PPIE: variants seen among roughly 807,000 people sequenced by gnomAD.
The protein encoded by PPIE is peptidylprolyl isomerase E.
PPIE carries 20 observed loss-of-function variants against 38.4 expected under a neutral mutation model. The ratio of observed to expected loss-of-function variants is 0.52; its 90% CI spans 0.37 to 0.76. The LOEUF (loss-of-function observed/expected upper bound fraction) is 0.76. Among genes scored for constraint, PPIE ranks in the 30% least tolerant of loss-of-function variants. The probability of loss-of-function intolerance (pLI) is 0.00; values close to 1 mark genes in which losing one functional copy is unlikely to be tolerated. For synonymous variants in PPIE, 142 were observed against 135.7 expected (o/e 1.05, Z -0.32); for missense variants, 322 against 385.8 (o/e 0.83, Z 1.39).
intron 9 of PPIE, chr1:39,762,498 C>T (rs1216502248): frequency 3.2e-6 from 5 of 1,545,966 alleles, no homozygotes; most frequent in Non-Finnish European, 3.5e-6. Flanking sequence ...CCATCAGAAA[C>T]CTGCTTTTGT....
chr1:39,762,397 T>C, intron 9 of PPIE: 12 of 1,308,236 alleles, frequency 9.2e-6, no homozygotes, highest in Non-Finnish European at 1.2e-5. Flanking sequence ...TACCAGGAAC[T>C]GGGATTCTAG....
rs149276444 is a variant in PPIE, at chr1:39,763,127, T to C, written c.838-562T>C. 109 of 1,614,010 alleles carry C rather than the reference T, an allele frequency of 6.8e-5. No homozygotes were observed. In the African/African-American group the frequency reaches 1.4e-3, roughly 21 times the overall value. On this transcript the variant is annotated intron_variant, in intron 9 of 9. Transcript: ENST00000356511. The stretch of plus-strand genomic sequence containing the variant: ...AGGATGGCGTGGTTGGTGGCATTCA[T>C]GCAGGAGTCCAGTGGGAAGGAGCAC...
rs1648162267 is a variant in PPIE, at chr1:39,755,424, A to G, written c.*2069A>G. ...CTACAGTTGACTGAGTTCAGGCTCC[A>G]TGTAGCTGGGATATACTACATGGTT... On this transcript the variant is annotated 3_prime_UTR_variant, in exon 10 of 10. Coordinates refer to ENST00000324379, the MANE Select transcript of PPIE (RefSeq NM_006112.4). The G allele has an allele frequency of 5.1e-6, 5 of 985,450 alleles. No homozygotes were observed. The African/African-American group carries it at 5.2e-5, about 10-fold the overall frequency. 61.0% of individuals were successfully genotyped at this position (985,450 alleles called of 1,614,324 possible).
intron 4 of PPIE, chr1:39,742,847 G>C (rs1463376530): frequency 6.2e-6 from 1 of 160,470 alleles, no homozygotes; most frequent in African/African-American, 2.4e-5. Context: ...TTTATTTGTT[G>C]TTCTGTTATC....
rs1042038696 is a variant in PPIE at position 39,754,316 on chromosome 1, ATTTAT to A, written c.*966_*970del. ...AGGGTGTGTATATATGTAGAAAGAGATTTATTTTAAGGAACTGGCTCAAGCAGTGG... is the reference window on the plus strand; with the variant it reads ...AGGGTGTGTATATATGTAGAAAGAGATTTAAGGAACTGGCTCAAGCAGTGG... On this transcript the variant is annotated 3_prime_UTR_variant, in exon 10 of 10. Transcript: ENST00000324379. Among the ~76,000 whole-genome samples, 8 of 152,180 alleles carry A rather than the reference ATTTAT, an allele frequency of 5.3e-5. No individual in the cohort carries two copies. The highest frequency in any genetic ancestry group is 1.3e-4 in the Admixed American group (2 of 15,280).
At chr1:39,748,860 T>G in intron 7 of PPIE, 43 bp from the exon 8 acceptor site, 1 of 1,566,912 alleles carries the variant, frequency 6.4e-7, no homozygotes, top group Non-Finnish European at 8.7e-7. Flanking sequence ...TTTTATTTTG[T>G]CCTATTTTTT....
chr1:39,749,020 C>A lies in PPIE; in HGVS notation c.626C>A (p.Thr209Asn), dbSNP rs761484384. Residue 209 changes from threonine to asparagine, a missense_variant, in exon 8 of 10, where the codon ACT becomes AAT. Transcript: ENST00000324379. ...QGGDFTNHNG[T>N]GGKSIYGKKF... ...GGTGATTTCACAAACCACAATGGCA[C>A]TGGGGGCAAGTCCATCTATGGGAAG... The A allele has an allele frequency of 6.2e-7, 1 of 1,612,332 alleles. No homozygotes were observed. The highest frequency in any genetic ancestry group is 2.2e-5 in the East Asian group (1 of 44,878).
chr1:39,743,638 C>G (rs1345111411), intron 5 of PPIE, among the ~76,000 whole-genome samples, 186 bp from the exon 6 acceptor site: 1 of 152,144 alleles, frequency 6.6e-6, no homozygotes, highest in Non-Finnish European at 1.5e-5. Context: ...TTTCCTTAGC[C>G]CTACTGAGAG....
downstream of PPIE, chr1:39,757,848 A>AT (rs1011033102): frequency 9.2e-5 from 14 of 152,160 alleles, no homozygotes; most frequent in African/African-American, 3.4e-4. Flanking sequence ...TGCTCAAGGG[A>AT]TTTTTCTATT....
At chr1:39,746,250 CATCATGT>C (rs1426093625) in intron 7 of PPIE, 3 of 152,176 alleles carry the variant, frequency 2.0e-5, no homozygotes, top group Non-Finnish European at 4.4e-5. Flanking sequence ...ACAATGTAAG[CATCATGT>C]GATAACCTCC....
chr1:39,759,734 T>G (rs1648687279), downstream of PPIE: 1 of 152,272 alleles, frequency 6.6e-6, no homozygotes, highest in Non-Finnish European at 1.5e-5. Flanking sequence ...GTCCATGCTC[T>G]TACATGTCTT....
intron 1 of PPIE, 176 bp from the exon 2 acceptor site, chr1:39,739,989 G>C: frequency 1.8e-6 from 1 of 559,204 alleles, no homozygotes; most frequent in South Asian, 2.2e-5. Context: ...AAAGAAGGGC[G>C]AAGAGAGGAA....
intron 4 of PPIE, chr1:39,742,212 G>T: frequency 3.1e-6 from 1 of 318,760 alleles, no homozygotes; most frequent in Non-Finnish European, 5.8e-6. Flanking sequence ...ATTGCACGGT[G>T]TAACTGCATA....
intron 1 of PPIE, 147 bp downstream of exon 1, chr1:39,739,078 C>A: frequency 1.1e-6 from 1 of 890,384 alleles, no homozygotes; most frequent in Non-Finnish European, 1.5e-6. Flanking sequence ...ATAGCTCTGG[C>A]TGTGCTTAAA....
chr1:39,740,132 C>T (rs772489126), intron 1 of PPIE, 33 bp from the exon 2 acceptor site: 40 of 1,505,240 alleles, frequency 2.7e-5, no homozygotes, highest in Non-Finnish European at 3.0e-5. Context: ...GTATGGAGAT[C>T]AGTGGCTCAG....
Position 39,756,752 on chromosome 1 carries a change from A to C in PPIE, c.*3397A>C, listed in dbSNP as rs1016605992. The C allele has an allele frequency of 1.3e-5, 4 of 318,840 alleles. No individual in the cohort carries two copies. Among genetic ancestry groups the C allele is most frequent in the African/African-American group, 9.0e-5 (4 of 44,468 alleles). The allele number at this position is 318,840 out of a possible 1,614,324, so 19.8% of individuals were successfully genotyped here. On this transcript the variant is annotated 3_prime_UTR_variant, in exon 10 of 10. Transcript: ENST00000324379. ...TCTTAAGAAAAAAAGCCTAGAAATA[A>C]AGCCACAAAAATATTAATAGTGTGT... is the stretch of plus-strand genomic sequence containing the variant.
Position 39,762,716 on chromosome 1 carries a change from A to G in PPIE, c.838-973A>G, listed in dbSNP as rs1649164505. On this transcript the variant is annotated intron_variant, in intron 9 of 9. Transcript: ENST00000356511. The stretch of plus-strand genomic sequence containing the variant: ...CATATCACGGGCGGTCAGACTTGCC[A>G]GCGTACTCGGCGGCCCGTGTGCTAA... 19 of 1,454,966 alleles carry G rather than the reference A, an allele frequency of 1.3e-5. No individual in the cohort carries two copies. In the South Asian group the frequency reaches 2.6e-4, roughly 20 times the overall value. 90.1% of individuals were successfully genotyped at this position (1,454,966 alleles called of 1,614,324 possible). A position where few individuals can be genotyped will look rare whatever the true frequency, so the allele number is the denominator to read the frequency against.
In PPIE at chr1:39,763,082, T is replaced by C. The variant is rs138571171; in HGVS notation, c.838-607T>C. 4.8e-4 allele frequency: 780 copies of C among 1,612,690 alleles called. 9 individuals carry two copies. The African/African-American group carries it at 7.4e-3, about 15-fold the overall frequency. On this transcript the variant is annotated intron_variant, in intron 9 of 9. Coordinates refer to the PPIE transcript ENST00000356511. ...CCCAGGGGGCTGGGCAGGATGGGCA[T>C]GGTACTGACCAGGGACTGCAGGATG... is the stretch of plus-strand genomic sequence containing the variant.
downstream of PPIE, chr1:39,758,112 T>C (rs1484081536): frequency 6.6e-6 from 1 of 152,152 alleles, no homozygotes; most frequent in Middle Eastern, 3.2e-3. Flanking sequence ...AAGATACAGG[T>C]GGAGTAAAAA....
Sources: allele counts gnomAD v4.1 joint callset (sites outside exome capture counted in the v4.1 genomes callset), GRCh38; gene constraint gnomAD v4.1.1; transcripts MANE v1.5; gene names NCBI Gene and HGNC (gene_info 2026-07-23, HGNC 2026-07-21).